LRCH3: variants seen among roughly 807,000 people sequenced by gnomAD.
LRCH3 encodes leucine rich repeats and calponin homology domain containing 3.
A neutral mutation model predicts 104.5 loss-of-function variants in LRCH3; 68 were observed. The observed-to-expected ratio is 0.65, with a 90% CI of 0.54 to 0.80. The LOEUF is 0.80. LRCH3 is among the 30% of genes least tolerant of loss of function. The pLI is 0.00. For missense variants in LRCH3, 951 were observed against 953.9 expected (o/e 1.00, Z 0.04); for synonymous variants, 344 against 361.3 (o/e 0.95, Z 0.54).
intron 8 of LRCH3, among the ~76,000 whole-genome samples, chr3:197,833,271 A>G (rs1736207560): frequency 6.8e-6 from 1 of 147,288 alleles, no homozygotes; most frequent in Non-Finnish European, 1.5e-5. Context: ...TGTAATCCCA[A>G]CACTTTGGGA....
chr3:197,834,888 A>G (rs927309400), intron 8 of LRCH3, among the ~76,000 whole-genome samples: 2 of 152,218 alleles, frequency 1.3e-5, no homozygotes, highest in Admixed American at 1.3e-4. Context: ...TGATGCCTGT[A>G]ATCCCAGCAC....
chr3:197,833,056 C>G (rs1228235199), intron 8 of LRCH3, among the ~76,000 whole-genome samples: 1 of 152,032 alleles, frequency 6.6e-6, no homozygotes, highest in Non-Finnish European at 1.5e-5. Flanking sequence ...ATCTTAGATT[C>G]TTTACTCCTG....
intron 8 of LRCH3, among the ~76,000 whole-genome samples, chr3:197,833,946 A>G (rs1023144801): frequency 6.6e-6 from 1 of 152,244 alleles, no homozygotes; most frequent in Non-Finnish European, 1.5e-5. Context: ...GTGGATGTAA[A>G]CTTAGAACCT....
At chr3:197,834,950 C>T (rs12631301) in intron 8 of LRCH3, among the ~76,000 whole-genome samples, 71,318 of 151,036 alleles carry the variant, frequency 0.47, 17,403 homozygotes, top group East Asian at 0.78. Flanking sequence ...TGGAGACCAG[C>T]CTGGCCAACA....
intron 20 of LRCH3, chr3:197,876,350 G>C (rs145406129): frequency 2.0e-4 from 30 of 152,328 alleles, no homozygotes; most frequent in African/African-American, 6.0e-4. Flanking sequence ...GTTCTTTGGA[G>C]TCTGGCATGC....
Position 197,810,566 on chromosome 3 carries a change from T to C in LRCH3, c.263-4342T>C, listed in dbSNP as rs1733009541. On this transcript the variant is annotated intron_variant, in intron 1 of 20. Transcript: ENST00000425562. This position sits in a 1 kb window ranked among gnomAD's most constrained non-coding sequence, Gnocchi z 4.0. ...TTGAGTCCTGAGGTTCCTAGCCATC[T>C]TCTCTCAACCTTTTATCTGTTTTAT... Among the ~76,000 whole-genome samples the C allele has an allele frequency of 6.6e-6, 1 of 152,200 alleles. No homozygotes were observed.
rs532351708 is a variant in LRCH3 at position 197,799,903 on chromosome 3, C to T, written c.262+8363C>T. 1.8e-3 allele frequency among the ~76,000 whole-genome samples: 259 copies of T among 147,038 alleles called. 1 individual carries two copies. The Middle Eastern group carries it at 0.032, about 18-fold the overall frequency. The stretch of plus-strand genomic sequence containing the variant: ...AAAAACAAAAAACAAAAGAACAGGC[C>T]GGGTGCAGTGGCTCATGCCTGTAAT... On this transcript the variant is annotated intron_variant, in intron 1 of 20. Coordinates refer to ENST00000425562, the MANE Select transcript of LRCH3 (RefSeq NM_001365715.1).
chr3:197,808,343 G>C (rs958434676), intron 1 of LRCH3, among the ~76,000 whole-genome samples: 3 of 152,202 alleles, frequency 2.0e-5, no homozygotes, highest in Non-Finnish European at 2.9e-5. Context: ...AAATACATTT[G>C]TATCGTTTCA....
At chr3:197,841,915 C>A (rs536448536) in intron 10 of LRCH3, among the ~76,000 whole-genome samples, 1 of 152,244 alleles carries the variant, frequency 6.6e-6, no homozygotes, top group African/African-American at 2.4e-5. Flanking sequence ...TCACTGCAGC[C>A]TCTACCTCCC....
chr3:197,797,511 A>G (rs961301328), intron 1 of LRCH3, among the ~76,000 whole-genome samples: 3 of 152,032 alleles, frequency 2.0e-5, no homozygotes, highest in Non-Finnish European at 4.4e-5. Flanking sequence ...TCAGTCTGGG[A>G]AAAAACAGAA....
intron 20 of LRCH3, 152 bp downstream of exon 20, chr3:197,875,927 G>C: frequency 2.0e-6 from 1 of 491,528 alleles, no homozygotes; most frequent in Admixed American, 3.8e-5. Context: ...GTGTACTTTT[G>C]AACAGTTTTC....
chr3:197,841,300 C>A (rs1011359209), intron 10 of LRCH3, among the ~76,000 whole-genome samples: 13 of 152,148 alleles, frequency 8.5e-5, no homozygotes, highest in African/African-American at 2.9e-4. Context: ...TTCCTGGCTG[C>A]CAGCTGGTGG....
intron 17 of LRCH3, among the ~76,000 whole-genome samples, chr3:197,869,721 G>A (rs1456527920): frequency 1.6e-5 from 2 of 123,800 alleles, no homozygotes; most frequent in African/African-American, 3.7e-5. Context: ...ACCTGCAGGA[G>A]GTAGAAAGCG....
rs61793819 is a variant in LRCH3, at chr3:197,856,300, G to A, written c.1644+1855G>A. ...AGTGCGTTTGATGAAAAGGAGGCCC[G>A]GGAAGTATACATAGTGTATTACTGT... On this transcript the variant is annotated intron_variant, in intron 14 of 20. Transcript: ENST00000425562. The surrounding 1 kb of genome is among the most constrained non-coding windows in gnomAD (Gnocchi z 4.2). 2.9e-3 allele frequency among the ~76,000 whole-genome samples: 446 copies of A among 152,092 alleles called. No individual in the cohort carries two copies. The highest frequency in any genetic ancestry group is 5.3e-3 in the Non-Finnish European group (362 of 67,990).
rs187041046 is a variant in LRCH3, at chr3:197,837,412, C to T, written c.1251+1590C>T. On this transcript the variant is annotated intron_variant, in intron 9 of 20. Coordinates refer to ENST00000425562, the MANE Select transcript of LRCH3 (RefSeq NM_001365715.1). ...TTTTTAAAATTCTGGCTGCCTGTTA[C>T]GTATGGTAGTCTTTATGACTTCTGT... 2.3e-3 allele frequency among the ~76,000 whole-genome samples: 345 copies of T among 152,152 alleles called. 4 individuals are homozygous for T. Among genetic ancestry groups the T allele is most frequent in the Non-Finnish European group, 1.2e-3 (81 of 68,006 alleles).
At chr3:197,800,486 A>G (rs1409266152) in intron 1 of LRCH3, among the ~76,000 whole-genome samples, 4 of 152,194 alleles carry the variant, frequency 2.6e-5, no homozygotes, top group Non-Finnish European at 5.9e-5. Flanking sequence ...AGTGGGTACT[A>G]CTTTACAAGT....
At chr3:197,875,613 C>A in intron 19 of LRCH3, 85 bp from the exon 20 acceptor site, 1 of 983,020 alleles carries the variant, frequency 1.0e-6, no homozygotes, top group South Asian at 1.5e-5. Context: ...AGGCTTGCGC[C>A]ACTGCACTCC....
intron 15 of LRCH3, among the ~76,000 whole-genome samples, chr3:197,863,701 C>T (rs960509823): frequency 6.6e-6 from 1 of 152,148 alleles, no homozygotes; most frequent in Non-Finnish European, 1.5e-5. Context: ...GTTCTTCCTC[C>T]TTTTTACAGT....
intron 20 of LRCH3, chr3:197,876,336 T>G (rs914055119): frequency 1.3e-5 from 2 of 152,394 alleles, no homozygotes; most frequent in East Asian, 3.9e-4. Context: ...TCCATGAAGC[T>G]CTGGTTCTTT....
Sources: gnomAD v4.1 joint callset for allele counts (sites outside exome capture counted in the v4.1 genomes callset) on GRCh38, gnomAD v4.1.1 for gene constraint, Gnocchi (gnomAD v3.1) non-coding constraint, MANE v1.5 for transcripts, NCBI Gene and HGNC (gene_info 2026-07-23, HGNC 2026-07-21) for gene names.